Variants in LDLRAP1 observed in about 807,000 individuals in gnomAD.
The protein encoded by LDLRAP1 is low density lipoprotein receptor adapter protein 1.
In LDLRAP1, 30 loss-of-function variants were observed where a neutral mutation model predicts 37.8. The observed-to-expected ratio is 0.79, with a 90% CI of 0.59 to 1.08. The LOEUF is 1.08. Among genes scored for constraint, LDLRAP1 ranks in the 50% least tolerant of loss-of-function variants. LDLRAP1 has a pLI of 0.00. For missense variants in LDLRAP1, 375 were observed against 401.6 expected (o/e 0.93, Z 0.57); for synonymous variants, 156 against 169.8 (o/e 0.92, Z 0.63).
the LDLRAP1 span, among the ~76,000 whole-genome samples, chr1:25,581,992 G>C: frequency 0.039 from 5,886 of 152,106 alleles, 337 homozygotes; most frequent in African/African-American, 0.13. Flanking sequence ...GTGCACAGCT[G>C]GGGGAGGGGC....
intron 4 of LDLRAP1, among the ~76,000 whole-genome samples, chr1:25,562,062 C>T (rs909884023): frequency 4.6e-5 from 7 of 152,142 alleles, no homozygotes; most frequent in African/African-American, 1.4e-4. Context: ...TTTTGGTCCC[C>T]GGGCCTTCAT....
At chr1:25,551,106 C>T (rs930901563) in intron 1 of LDLRAP1, among the ~76,000 whole-genome samples, 1 of 152,076 alleles carries the variant, frequency 6.6e-6, no homozygotes, top group Non-Finnish European at 1.5e-5. Context: ...TGCCTGGGGC[C>T]TTGTGCTGAG....
the LDLRAP1 span, among the ~76,000 whole-genome samples, chr1:25,588,070 T>C: frequency 6.6e-6 from 1 of 152,016 alleles, no homozygotes; most frequent in Non-Finnish European, 1.5e-5. Context: ...GTTAAACAAA[T>C]GCTTGAAGAC....
chr1:25,549,036 T>A (rs1188168858), intron 1 of LDLRAP1, among the ~76,000 whole-genome samples: 1 of 152,242 alleles, frequency 6.6e-6, no homozygotes, highest in Non-Finnish European at 1.5e-5. Context: ...CATATTTTTC[T>A]CTTACTGTGT....
chr1:25,556,781 A>C (rs2044210537), intron 3 of LDLRAP1, among the ~76,000 whole-genome samples: 1 of 152,160 alleles, frequency 6.6e-6, no homozygotes, highest in Admixed American at 6.5e-5. Context: ...TAGTGATAGA[A>C]CCCGTCTCAG....
chr1:25,545,112 C>G (rs1354338335), intron 1 of LDLRAP1, among the ~76,000 whole-genome samples: 2 of 152,230 alleles, frequency 1.3e-5, no homozygotes, highest in African/African-American at 4.8e-5. Flanking sequence ...GTTTATCACA[C>G]TGATTGCATC....
Position 25,566,897 on chromosome 1 carries a change from G to A in LDLRAP1, c.832G>A (p.Ala278Thr). ...NPQVLDTGLTAQDMHYAQCLS... is the reference protein window; with the variant it reads ...NPQVLDTGLTTQDMHYAQCLS... ...TCAGGTCCTGGACACTGGCCTGACAGCCCAGGACATGCATTACGCCCAGTG... is the reference window on the plus strand; with the variant it reads ...TCAGGTCCTGGACACTGGCCTGACAACCCAGGACATGCATTACGCCCAGTG... The change falls in exon 9 of 9, where the codon GCC becomes ACC. Residue 278 changes from alanine (A) to threonine (T), a missense_variant. Ala to Thr is a moderately conservative substitution (Grantham distance 58). Transcript: ENST00000374338. 1.2e-6 allele frequency: 2 copies of A among 1,613,198 alleles called. No homozygotes were observed. The highest frequency in any genetic ancestry group is 1.7e-6 in the Non-Finnish European group (2 of 1,179,816).
the LDLRAP1 span, among the ~76,000 whole-genome samples, chr1:25,588,477 A>C: frequency 1.3e-5 from 2 of 152,228 alleles, no homozygotes; most frequent in African/African-American, 4.8e-5. Context: ...TCTTGAAGGC[A>C]TTGAGATGTT....
rs913973064 is a variant in LDLRAP1 at position 25,557,181 on chromosome 1, C to A, written c.373C>A (p.His125Asn). The A allele has an allele frequency of 6.2e-7, 1 of 1,614,132 alleles. No individual in the cohort carries two copies. Among genetic ancestry groups the A allele is most frequent in the Non-Finnish European group, 8.5e-7 (1 of 1,179,988 alleles). Residue 125 changes from histidine to asparagine, a missense_variant, in exon 4 of 9, where the codon CAC becomes AAC. By Grantham distance (68) the His-to-Asn change is moderately conservative. Transcript: ENST00000374338. Reference sequence around the variant, plus strand: ...CTCCTATTGCACAGCAGACAAGATGCACGACAAGGTGTTTGCATACATCGC... The same window carrying A: ...CTCCTATTGCACAGCAGACAAGATGAACGACAAGGTGTTTGCATACATCGC... ...RISYCTADKM[H>N]DKVFAYIAQS... is the part of the protein sequence containing the mutation.
intron 1 of LDLRAP1, chr1:25,553,497 T>G: frequency 4.7e-6 from 1 of 214,686 alleles, no homozygotes; most frequent in Non-Finnish European, 9.6e-6. Flanking sequence ...ATGAGAACAT[T>G]TTATGTAAAG....
rs139121286 is a variant in LDLRAP1, at chr1:25,544,591, T to TC, written c.88+812dup. On this transcript the variant is annotated intron_variant, in intron 1 of 8. Coordinates refer to ENST00000374338, the MANE Select transcript of LDLRAP1 (RefSeq NM_015627.3). This position sits in a 1 kb window ranked among gnomAD's most constrained non-coding sequence, Gnocchi z 4.8. ...GGCGTCTGGGAGGCTGGGAGGGGCC[T>TC]CCCCCCCTTTCTCTCCCCCAGTCTC... is the stretch of plus-strand genomic sequence containing the variant. 6.9e-4 allele frequency among the ~76,000 whole-genome samples: 105 copies of TC among 151,832 alleles called. No individual in the cohort carries two copies. In the East Asian group the frequency reaches 0.016, roughly 23 times the overall value.
At chr1:25,569,540 C>T (rs561634429), downstream of LDLRAP1, among the ~76,000 whole-genome samples, 82 of 152,258 alleles carry the variant, frequency 5.4e-4, 1 homozygote, top group Middle Eastern at 6.8e-3. Flanking sequence ...ATGACCTCCC[C>T]GCTTTTTACC....
At chr1:25,582,521 G>T in the LDLRAP1 span, among the ~76,000 whole-genome samples, 2 of 150,380 alleles carry the variant, frequency 1.3e-5, no homozygotes, top group Admixed American at 6.6e-5. Flanking sequence ...GGAGGTGGAG[G>T]TTGCAGTGAT....
rs2044223636 is a variant in LDLRAP1, at chr1:25,557,211, A to G, written c.403A>G (p.Ser135Gly). Residue 135 changes from serine to glycine, a missense_variant, in exon 4 of 9, where the codon AGC (serine) becomes GGC (glycine). By Grantham distance (56) the Ser-to-Gly change is moderately conservative. Transcript: ENST00000374338. ...HDKVFAYIAQ[S>G]QHNQSLECHA... is the part of the protein sequence containing the mutation. The stretch of plus-strand genomic sequence containing the variant: ...CAAGGTGTTTGCATACATCGCCCAG[A>G]GCCAGCACAACCAGAGCCTCGAGTG... 1.9e-6 allele frequency: 3 copies of G among 1,614,134 alleles called. No homozygotes were observed. The highest frequency in any genetic ancestry group is 1.6e-4 in the Middle Eastern group (1 of 6,062).
chr1:25,565,990 G>A (rs1362613262), intron 8 of LDLRAP1, among the ~76,000 whole-genome samples: 3 of 152,092 alleles, frequency 2.0e-5, no homozygotes, highest in Non-Finnish European at 2.9e-5. Flanking sequence ...TCTTGCCAGG[G>A]ACTAGTGGAA....
At chr1:25,590,211 G>A in the LDLRAP1 span, 1 of 152,264 alleles carries the variant, frequency 6.6e-6, no homozygotes, top group South Asian at 2.1e-4. Flanking sequence ...GCATGCCCAG[G>A]ACTCAGGAAG....
the LDLRAP1 span, among the ~76,000 whole-genome samples, chr1:25,574,346 A>G: frequency 2.0e-5 from 3 of 152,218 alleles, no homozygotes; most frequent in Non-Finnish European, 4.4e-5. Context: ...GCCAGGGGCA[A>G]TGCAGAGACT....
intron 7 of LDLRAP1, chr1:25,564,839 C>T: frequency 2.9e-6 from 1 of 350,004 alleles, no homozygotes; most frequent in South Asian, 3.4e-5. Context: ...ATGCCCTCCT[C>T]TTATTGAAGG....
intron 6 of LDLRAP1, 54 bp downstream of exon 6, chr1:25,563,207 A>G: frequency 6.6e-7 from 1 of 1,515,118 alleles, no homozygotes; most frequent in Non-Finnish European, 9.1e-7. Context: ...GTTGCGCTTC[A>G]CCCAGGGGGG....
Sources: gnomAD v4.1 joint callset for allele counts (sites outside exome capture counted in the v4.1 genomes callset) on GRCh38, gnomAD v4.1.1 for gene constraint, Gnocchi (gnomAD v3.1) non-coding constraint, MANE v1.5 for transcripts, NCBI Gene and HGNC (gene_info 2026-07-23, HGNC 2026-07-21) for gene names.